RARRES1: variants seen among roughly 807,000 people sequenced by gnomAD.
The protein encoded by RARRES1 is retinoic acid receptor responder protein 1.
RARRES1 carries 34 observed loss-of-function variants against 30.6 expected under a neutral mutation model. The observed-to-expected ratio is 1.11, with a 90% CI of 0.84 to 1.48. RARRES1 has a LOEUF of 1.48. Among genes scored for constraint, RARRES1 ranks in the 40% most tolerant of loss-of-function variants. The pLI is 0.00. For synonymous variants in RARRES1, 153 were observed against 155.5 expected, an observed-to-expected ratio of 0.98 and a Z score of 0.12; for missense variants, 373 against 386.5, an observed-to-expected ratio of 0.97 and a Z score of 0.29.
intron 3 of RARRES1, among the ~76,000 whole-genome samples, chr3:158,705,132 T>C (rs1726874712): frequency 6.6e-6 from 1 of 152,192 alleles, no homozygotes; most frequent in Non-Finnish European, 1.5e-5. Flanking sequence ...ACTGAGTAAA[T>C]CTATTATAAA....
chr3:158,722,776 G>A (rs1008922987), intron 1 of RARRES1, among the ~76,000 whole-genome samples: 18 of 151,884 alleles, frequency 1.2e-4, no homozygotes, highest in Admixed American at 5.3e-4. Context: ...CAGCTACTTG[G>A]GAGGCTGAGG....
At chr3:158,731,631 C>T (rs1727891070) in intron 1 of RARRES1, among the ~76,000 whole-genome samples, 1 of 152,208 alleles carries the variant, frequency 6.6e-6, no homozygotes, top group Admixed American at 6.5e-5. Context: ...CCCCGAAGCC[C>T]TAGCGTGGTG....
chr3:158,731,402 A>G (rs1727881959), intron 1 of RARRES1, among the ~76,000 whole-genome samples: 1 of 152,144 alleles, frequency 6.6e-6, no homozygotes, highest in Non-Finnish European at 1.5e-5. Flanking sequence ...AACTTTTGTA[A>G]TCTATAGGAT....
chr3:158,727,517 A>G (rs1220003064), intron 1 of RARRES1, among the ~76,000 whole-genome samples: 1 of 152,128 alleles, frequency 6.6e-6, no homozygotes, highest in East Asian at 1.9e-4. Context: ...CCTCTCACCA[A>G]ATGCTCCACG....
intron 1 of RARRES1, among the ~76,000 whole-genome samples, chr3:158,725,712 A>G (rs1727663785): frequency 6.6e-6 from 1 of 152,212 alleles, no homozygotes; most frequent in Non-Finnish European, 1.5e-5. Context: ...GGGTGTAGTT[A>G]GCTTAGGAGA....
Position 158,710,927 on chromosome 3 carries a change from G to C in RARRES1, c.346C>G (p.Leu116Val). ...CCCAAACGTCCCTCACCTTCCTGAAGTAAAGACTGTGGAGTTAAACAGGAT... is the reference window on the plus strand; with the variant it reads ...CCCAAACGTCCCTCACCTTCCTGAACTAAAGACTGTGGAGTTAAACAGGAT... ...STERYNPESL[L>V]QEGEGRLGKC... The change falls in exon 3 of 6, where the codon CTT becomes GTT. Residue 116 changes from leucine (L) to valine (V), a missense_variant. Coordinates refer to ENST00000237696, the MANE Select transcript of RARRES1 (RefSeq NM_206963.2). 1 of 1,613,452 alleles carries C rather than the reference G, an allele frequency of 6.2e-7. No homozygotes were observed. The highest frequency in any genetic ancestry group is 8.5e-7 in the Non-Finnish European group (1 of 1,179,616).
intron 1 of RARRES1, among the ~76,000 whole-genome samples, chr3:158,714,623 GTTGAA>G (rs1466975980): frequency 6.6e-6 from 1 of 152,222 alleles, no homozygotes; most frequent in Non-Finnish European, 1.5e-5. Context: ...CTTTAAAACT[GTTGAA>G]TTGATTTCAA....
intron 4 of RARRES1, among the ~76,000 whole-genome samples, chr3:158,702,391 T>G (rs1160869371): frequency 6.6e-6 from 1 of 152,174 alleles, no homozygotes; most frequent in East Asian, 1.9e-4. Context: ...CTTTCGTACG[T>G]GCAGTTTGGT....
chr3:158,717,052 G>C (rs1039943278), intron 1 of RARRES1, among the ~76,000 whole-genome samples: 1 of 152,236 alleles, frequency 6.6e-6, no homozygotes, highest in Non-Finnish European at 1.5e-5. Flanking sequence ...CTGGTGAGAT[G>C]AGCCGCACAG....
chr3:158,701,223 T>C (rs187637279), intron 4 of RARRES1, among the ~76,000 whole-genome samples: 1 of 152,294 alleles, frequency 6.6e-6, no homozygotes, highest in Non-Finnish European at 1.5e-5. Flanking sequence ...CTTATCCATT[T>C]TTTTCCCTAG....
At position 158,723,503 on chromosome 3, in the gene RARRES1, C is replaced by T. The variant is rs369304008; in HGVS notation, c.276+8637G>A. Among the ~76,000 whole-genome samples, 10 of 152,320 alleles carry T rather than the reference C, an allele frequency of 6.6e-5. No individual in the cohort carries two copies. In the East Asian group the frequency reaches 1.7e-3, roughly 26 times the overall value. On this transcript the variant is annotated intron_variant, in intron 1 of 5. Coordinates refer to ENST00000237696, the MANE Select transcript of RARRES1 (RefSeq NM_206963.2). This position sits in a 1 kb window ranked among gnomAD's most constrained non-coding sequence, Gnocchi z 4.4. ...TTCTCTCGGGCAAGGCCAGATAAAG[C>T]AAATACAGTTTATGGAACAGAAGTC...
At chr3:158,716,255 G>C (rs1388128548) in intron 1 of RARRES1, among the ~76,000 whole-genome samples, 2 of 152,190 alleles carry the variant, frequency 1.3e-5, no homozygotes, top group Non-Finnish European at 2.9e-5. Flanking sequence ...ATAGAAGTAG[G>C]ATCAGCAGAG....
rs115470132 is a variant in RARRES1 at position 158,724,344 on chromosome 3, A to G, written c.276+7796T>C. Among the ~76,000 whole-genome samples, 1,219 of 152,318 alleles carry G rather than the reference A, an allele frequency of 8.0e-3. 22 individuals carry two copies. Among genetic ancestry groups the G allele is most frequent in the African/African-American group, 0.028 (1,146 of 41,568 alleles). On this transcript the variant is annotated intron_variant, in intron 1 of 5. Transcript: ENST00000237696. ...GGCATCTGTGACTATGTTATTTTAC[A>G]TGGCAAAAAGGATTTTGCCAATGTG...
intron 1 of RARRES1, among the ~76,000 whole-genome samples, chr3:158,719,053 T>C (rs988147023): frequency 6.6e-5 from 10 of 151,998 alleles, no homozygotes; most frequent in African/African-American, 2.2e-4. Context: ...TTAAACACAG[T>C]CAAAGGCAGA....
chr3:158,729,584 G>A (rs1727805832), intron 1 of RARRES1, among the ~76,000 whole-genome samples: 1 of 151,842 alleles, frequency 6.6e-6, no homozygotes, highest in African/African-American at 2.4e-5. Context: ...CGAGTAGCTG[G>A]GATTACAGGT....
intron 1 of RARRES1, 34 bp downstream of exon 1, chr3:158,732,106 A>G (rs2108160431): frequency 1.5e-6 from 2 of 1,310,862 alleles, no homozygotes; most frequent in Non-Finnish European, 1.9e-6. Flanking sequence ...GCGGACAGGC[A>G]GGCGCGTGCC....
At chr3:158,728,527 T>TTTTTTG (rs1158961220) in intron 1 of RARRES1, among the ~76,000 whole-genome samples, 2 of 148,268 alleles carry the variant, frequency 1.3e-5, no homozygotes, top group African/African-American at 5.0e-5. Flanking sequence ...TTTTTTTTTT[T>TTTTTTG]TTTTTTTGGT....
intron 3 of RARRES1, among the ~76,000 whole-genome samples, chr3:158,709,893 C>T (rs1415751181): frequency 1.3e-5 from 2 of 152,206 alleles, no homozygotes; most frequent in Non-Finnish European, 2.9e-5. Flanking sequence ...GAGGGCAGGG[C>T]TCCTTTGTTG....
At position 158,715,509 on chromosome 3, in the gene RARRES1, C is replaced by T. The variant is rs553991568; in HGVS notation, c.277-1650G>A. On this transcript the variant is annotated intron_variant, in intron 1 of 5. Coordinates refer to ENST00000237696, the MANE Select transcript of RARRES1 (RefSeq NM_206963.2). ...TTTGAGATGACTTGGAACTTGATCC[C>T]AAAGTCTGGAAGAGTAACATTAAAC... 1.3e-4 allele frequency among the ~76,000 whole-genome samples: 20 copies of T among 152,240 alleles called. No homozygotes were observed. In the South Asian group the frequency reaches 4.1e-3, roughly 32 times the overall value.
Sources: gnomAD v4.1 joint callset for allele counts (sites outside exome capture counted in the v4.1 genomes callset) on GRCh38, gnomAD v4.1.1 for gene constraint, Gnocchi (gnomAD v3.1) non-coding constraint, MANE v1.5 for transcripts, NCBI Gene and HGNC (gene_info 2026-07-23, HGNC 2026-07-21) for gene names.